AGBL1: variants seen among roughly 807,000 people sequenced by gnomAD.
AGBL1 encodes cytosolic carboxypeptidase 4.
A neutral mutation model predicts 118.9 loss-of-function variants in AGBL1; 130 were observed. The observed-to-expected ratio is 1.09, with a 90% CI of 0.95 to 1.26. The LOEUF is 1.26. Ranked by LOEUF, AGBL1 falls within the 50% of genes most tolerant of loss-of-function variation. The pLI is 0.00. For missense variants in AGBL1, 1,584 were observed against 1,298.1 expected, an observed-to-expected ratio of 1.22 and a Z score of -3.38; for synonymous variants, 555 against 478.9, an observed-to-expected ratio of 1.16 and a Z score of -2.08.
chr15:86,873,313 A>G (rs930753330), intron 22 of AGBL1, among the ~76,000 whole-genome samples: 1 of 152,152 alleles, frequency 6.6e-6, no homozygotes, highest in Non-Finnish European at 1.5e-5. Flanking sequence ...TCGGTATTAT[A>G]TAAAGGGGTT....
Position 86,397,543 on chromosome 15 carries a change from G to C in AGBL1, c.2552G>C (p.Gly851Ala), listed in dbSNP as rs1056122193. 2 of 1,603,014 alleles carry C rather than the reference G, an allele frequency of 1.2e-6. No homozygotes were observed. Among genetic ancestry groups the C allele is most frequent in the Non-Finnish European group, 1.7e-6 (2 of 1,174,084 alleles). Residue 851 changes from glycine (G) to alanine (A), a missense_variant, in exon 18 of 23, where the codon GGC (glycine) becomes GCC (alanine). Coordinates refer to ENST00000614907, the MANE Select transcript of AGBL1 (RefSeq NM_001386094.1). Reference protein sequence around the residue: ...PMLNPDGVINGNHRCSLSGED... With the variant: ...PMLNPDGVINANHRCSLSGED... The stretch of plus-strand genomic sequence containing the variant: ...CTCAACCCAGATGGTGTCATCAACG[G>C]CAAGTATGTCAGGCACCTGGCTCAG...
chr15:86,139,110 A>G (rs1431222431), intron 1 of AGBL1, among the ~76,000 whole-genome samples: 1 of 152,166 alleles, frequency 6.6e-6, no homozygotes, highest in Non-Finnish European at 1.5e-5. Context: ...GAATGATATC[A>G]TCTATTAACA....
chr15:86,209,817 T>G (rs1183698269), intron 5 of AGBL1, among the ~76,000 whole-genome samples: 5 of 152,252 alleles, frequency 3.3e-5, no homozygotes, highest in Admixed American at 6.5e-5. Flanking sequence ...CATTTACATT[T>G]AATTTTAATA....
intron 19 of AGBL1, among the ~76,000 whole-genome samples, chr15:86,540,474 A>C (rs914745105): frequency 6.6e-6 from 1 of 152,160 alleles, no homozygotes; most frequent in African/African-American, 2.4e-5. Flanking sequence ...AGGCACCTGC[A>C]GTCCTGGCTA....
At chr15:86,594,304 A>G (rs1596297863) in intron 21 of AGBL1, among the ~76,000 whole-genome samples, 1 of 152,098 alleles carries the variant, frequency 6.6e-6, no homozygotes, top group Non-Finnish European at 1.5e-5. Context: ...GTCATTTTGC[A>G]AATATTTTGT....
intron 22 of AGBL1, among the ~76,000 whole-genome samples, chr15:86,730,974 TA>T (rs1293830961): frequency 6.6e-6 from 1 of 152,020 alleles, no homozygotes; most frequent in Non-Finnish European, 1.5e-5. Context: ...ATTACAGGCA[TA>T]TGCCACCATG....
chr15:86,158,844 CTTA>C, intron 4 of AGBL1, 86 bp from the exon 5 acceptor site: 1 of 1,143,894 alleles, frequency 8.7e-7, no homozygotes, highest in Non-Finnish European at 1.3e-6. Flanking sequence ...CAAGTTGCCC[CTTA>C]AAGATTTAAA....
chr15:86,119,473 G>T (rs1597418445), intron 1 of AGBL1, among the ~76,000 whole-genome samples: 1 of 152,104 alleles, frequency 6.6e-6, no homozygotes, highest in African/African-American at 2.4e-5. Context: ...CACAGTCAAG[G>T]CACCTGAAGA....
intron 22 of AGBL1, among the ~76,000 whole-genome samples, chr15:86,722,431 T>C (rs1403726708): frequency 6.6e-6 from 1 of 152,168 alleles, no homozygotes; most frequent in Admixed American, 6.6e-5. Context: ...TAATAAATGG[T>C]GCTGGGAAAA....
chr15:86,983,163 G>A (rs1420332592), intron 23 of AGBL1, among the ~76,000 whole-genome samples: 1 of 151,962 alleles, frequency 6.6e-6, no homozygotes, highest in African/African-American at 2.4e-5. Flanking sequence ...CTTTTTGAAT[G>A]TATATTGATC....
chr15:86,752,788 C>A (rs183920091), intron 22 of AGBL1, among the ~76,000 whole-genome samples: 5 of 152,050 alleles, frequency 3.3e-5, no homozygotes, highest in African/African-American at 1.2e-4. Flanking sequence ...TGTGACCAAA[C>A]CTTTTTGTTT....
chr15:87,028,049 A>G (rs1205541367), intron 24 of AGBL1, among the ~76,000 whole-genome samples: 1 of 144,470 alleles, frequency 6.9e-6, no homozygotes, highest in Non-Finnish European at 1.5e-5. Flanking sequence ...AAAGTGGAAG[A>G]AAAAAATATA....
downstream of AGBL1, among the ~76,000 whole-genome samples, chr15:87,031,063 A>G (rs2141818662): frequency 6.6e-6 from 1 of 152,156 alleles, no homozygotes; most frequent in East Asian, 1.9e-4. Flanking sequence ...TTAGGCAAAC[A>G]TATTTGCCTA....
intron 22 of AGBL1, among the ~76,000 whole-genome samples, chr15:86,890,958 A>G (rs1040527314): frequency 6.6e-6 from 1 of 152,168 alleles, no homozygotes; most frequent in Non-Finnish European, 1.5e-5. Flanking sequence ...TTTAATGGAA[A>G]TAGCATTGAA....
chr15:86,752,545 T>G (rs1050810428), intron 22 of AGBL1, among the ~76,000 whole-genome samples: 1 of 152,102 alleles, frequency 6.6e-6, no homozygotes, highest in African/African-American at 2.4e-5. Context: ...CCCAGATCCA[T>G]GCTTTAGGGA....
At chr15:86,753,643 C>A (rs1403563542) in intron 22 of AGBL1, among the ~76,000 whole-genome samples, 1 of 152,030 alleles carries the variant, frequency 6.6e-6, no homozygotes, top group Non-Finnish European at 1.5e-5. Context: ...GGTGATCCAC[C>A]CACCTTGGCC....
intron 17 of AGBL1, among the ~76,000 whole-genome samples, chr15:86,389,796 G>C (rs895249288): frequency 6.6e-6 from 1 of 151,746 alleles, no homozygotes; most frequent in African/African-American, 2.4e-5. Context: ...AGCTAATAGA[G>C]GAGAAAAAAG....
At chr15:86,760,546 C>T (rs370639910) in intron 22 of AGBL1, among the ~76,000 whole-genome samples, 2 of 152,022 alleles carry the variant, frequency 1.3e-5, no homozygotes, top group African/African-American at 4.8e-5. Context: ...TGCTTGCTTC[C>T]TGCTCCTGTG....
At chr15:86,919,536 T>C (rs1317975270), downstream of AGBL1, among the ~76,000 whole-genome samples, 1 of 151,488 alleles carries the variant, frequency 6.6e-6, no homozygotes, top group Non-Finnish European at 1.5e-5. Flanking sequence ...CTAGGGCTCA[T>C]CAATGACTAG....
Sources: gnomAD v4.1 joint callset for allele counts (sites outside exome capture counted in the v4.1 genomes callset) on GRCh38, gnomAD v4.1.1 for gene constraint, MANE v1.5 for transcripts, NCBI Gene and HGNC (gene_info 2026-07-23, HGNC 2026-07-21) for gene names.